Variants in CNTLN observed in about 807,000 individuals in gnomAD.
The protein encoded by CNTLN is centlein.
A neutral mutation model predicts 180.0 loss-of-function variants in CNTLN; 212 were observed. That is an observed-to-expected ratio of 1.18 (90% CI 1.05 to 1.32). The LOEUF is 1.32. CNTLN is among the 40% of genes most tolerant of loss of function. The pLI is 0.00. For synonymous variants in CNTLN, 722 were observed against 563.1 expected (o/e 1.28, Z -3.99); for missense variants, 2,095 against 1,610.9 (o/e 1.30, Z -5.14).
chr9:17,464,931 A>G (rs1226689151), intron 21 of CNTLN, among the ~76,000 whole-genome samples: 1 of 151,190 alleles, frequency 6.6e-6, no homozygotes, highest in Non-Finnish European at 1.5e-5. Context: ...TAAAACTGTA[A>G]TTTATGATAG....
At chr9:17,278,037 A>G (rs926597323) in intron 6 of CNTLN, among the ~76,000 whole-genome samples, 21 of 152,104 alleles carry the variant, frequency 1.4e-4, no homozygotes, top group African/African-American at 4.6e-4. Flanking sequence ...GCTGCCCAAT[A>G]AGACCAATAA....
intron 12 of CNTLN, among the ~76,000 whole-genome samples, chr9:17,354,828 A>G (rs1477397258): frequency 6.6e-6 from 1 of 151,996 alleles, no homozygotes; most frequent in East Asian, 1.9e-4. Flanking sequence ...TCTTTGCAAT[A>G]AATCTTGCTA....
intron 2 of CNTLN, among the ~76,000 whole-genome samples, chr9:17,185,408 C>G (rs950683245): frequency 2.7e-4 from 41 of 152,260 alleles, no homozygotes; most frequent in African/African-American, 8.9e-4. Context: ...ACATTCCTAA[C>G]TAGCATGTTG....
chr9:17,137,197 G>T (rs374094370), intron 1 of CNTLN, among the ~76,000 whole-genome samples: 13 of 152,098 alleles, frequency 8.5e-5, no homozygotes, highest in African/African-American at 2.7e-4. Context: ...TACAGAGATG[G>T]TCATAATAGT....
At chr9:17,283,578 T>A (rs1239177422) in intron 6 of CNTLN, among the ~76,000 whole-genome samples, 1 of 152,304 alleles carries the variant, frequency 6.6e-6, no homozygotes. Context: ...CCCATTTGAA[T>A]ACCCTTTGTT....
At chr9:17,144,665 T>C (rs1056038288) in intron 2 of CNTLN, among the ~76,000 whole-genome samples, 1 of 151,590 alleles carries the variant, frequency 6.6e-6, no homozygotes, top group African/African-American at 2.4e-5. Flanking sequence ...AACATAAAAT[T>C]TATAAATAAA....
At chr9:17,451,601 C>G (rs1288418947) in intron 18 of CNTLN, among the ~76,000 whole-genome samples, 1 of 152,142 alleles carries the variant, frequency 6.6e-6, no homozygotes, top group Non-Finnish European at 1.5e-5. Flanking sequence ...ACTTTTTACT[C>G]TGGTTACTGA....
Position 17,162,336 on chromosome 9 carries a change from C to T in CNTLN, c.449+18960C>T, listed in dbSNP as rs865961372. On this transcript the variant is annotated intron_variant, in intron 2 of 25. Transcript: ENST00000380647. ...TCACTGTGTTAGGCAGGGTGGTCTCCATCTCCTGACCTCATGATCTGCCCG... is the reference window on the plus strand; with the variant it reads ...TCACTGTGTTAGGCAGGGTGGTCTCTATCTCCTGACCTCATGATCTGCCCG... 1.3e-4 allele frequency among the ~76,000 whole-genome samples: 20 copies of T among 152,078 alleles called. 1 individual carries two copies. The highest frequency in any genetic ancestry group is 5.9e-4 in the Admixed American group (9 of 15,256).
intron 2 of CNTLN, among the ~76,000 whole-genome samples, chr9:17,149,985 A>T (rs1193012436): frequency 6.6e-6 from 1 of 151,980 alleles, no homozygotes; most frequent in African/African-American, 2.4e-5. Context: ...TCCTTTGCCA[A>T]TTTTTTGATG....
At chr9:17,214,424 G>T (rs1313823994) in intron 2 of CNTLN, among the ~76,000 whole-genome samples, 1 of 152,224 alleles carries the variant, frequency 6.6e-6, no homozygotes, top group African/African-American at 2.4e-5. Flanking sequence ...CAGGAGATCT[G>T]CTGTTATTCT....
the CNTLN span, among the ~76,000 whole-genome samples, chr9:17,512,027 A>G: frequency 2.0e-5 from 3 of 152,218 alleles, no homozygotes; most frequent in South Asian, 6.2e-4. Context: ...AGGTGAAATT[A>G]TGGAGGTATT....
chr9:17,365,707 C>T (rs1282244613), intron 12 of CNTLN, among the ~76,000 whole-genome samples: 1 of 152,242 alleles, frequency 6.6e-6, no homozygotes, highest in African/African-American at 2.4e-5. Flanking sequence ...TGCCTGTGAT[C>T]CCAGCATTTT....
chr9:17,167,302 T>A (rs1357755924), intron 2 of CNTLN: 1 of 152,688 alleles, frequency 6.5e-6, no homozygotes, highest in Non-Finnish European at 1.5e-5. Context: ...TCTAGATGAG[T>A]TCACTTTAAA....
At chr9:17,355,906 T>C (rs1822799283) in intron 12 of CNTLN, among the ~76,000 whole-genome samples, 3 of 151,332 alleles carry the variant, frequency 2.0e-5, no homozygotes, top group African/African-American at 4.9e-5. Flanking sequence ...CTACTAAAAA[T>C]ACAAAAAATT....
Position 17,421,386 on chromosome 9 carries a change from A to C in CNTLN, c.3114+5197A>C, listed in dbSNP as rs1288782818. 1.3e-5 allele frequency among the ~76,000 whole-genome samples: 2 copies of C among 151,994 alleles called. 1 individual carries two copies. Among genetic ancestry groups the C allele is most frequent in the African/African-American group, 4.8e-5 (2 of 41,418 alleles). On this transcript the variant is annotated intron_variant, in intron 18 of 25. Transcript: ENST00000380647. ...TTAAAAATATGATATAAGTATAGCT[A>C]GTCATGTTCTTTTTTGGTTTCCACT...
intron 5 of CNTLN, among the ~76,000 whole-genome samples, chr9:17,271,801 A>G (rs1305964284): frequency 6.6e-6 from 1 of 152,136 alleles, no homozygotes; most frequent in East Asian, 1.9e-4. Flanking sequence ...GTTATTACTT[A>G]TCAAGCCACC....
intron 18 of CNTLN, among the ~76,000 whole-genome samples, chr9:17,416,411 G>C (rs1312591340): frequency 6.6e-6 from 1 of 152,096 alleles, no homozygotes; most frequent in Non-Finnish European, 1.5e-5. Flanking sequence ...GAATCTAAAA[G>C]ACACTTTACT....
At chr9:17,397,215 A>G (rs1826603831) in intron 15 of CNTLN, among the ~76,000 whole-genome samples, 1 of 152,200 alleles carries the variant, frequency 6.6e-6, no homozygotes, top group Non-Finnish European at 1.5e-5. Flanking sequence ...TCAGACCCCA[A>G]GAGAGGGTTC....
At chr9:17,403,052 A>T (rs918599585) in intron 15 of CNTLN, among the ~76,000 whole-genome samples, 1 of 151,754 alleles carries the variant, frequency 6.6e-6, no homozygotes, top group African/African-American at 2.4e-5. Flanking sequence ...ATTTTTCAGT[A>T]TATCAAAAAC....
Sources: gnomAD v4.1 joint callset for allele counts (sites outside exome capture counted in the v4.1 genomes callset) on GRCh38, gnomAD v4.1.1 for gene constraint, MANE v1.5 for transcripts, NCBI Gene and HGNC (gene_info 2026-07-23, HGNC 2026-07-21) for gene names.